Variants in C19orf44 observed in about 807,000 individuals in gnomAD.
The protein encoded by C19orf44 is chromosome 19 open reading frame 44.
In C19orf44, 43 loss-of-function variants were observed where a neutral mutation model predicts 50.7. That is an observed-to-expected ratio of 0.85 (90% CI 0.66 to 1.09). The LOEUF is 1.09. Among genes scored for constraint, C19orf44 ranks in the 50% least tolerant of loss-of-function variants. The pLI, the probability that C19orf44 is intolerant of heterozygous loss-of-function variation, is 0.00. For missense variants in C19orf44, 722 were observed against 836.2 expected (o/e 0.86, Z 1.68); for synonymous variants, 298 against 334.7 (o/e 0.89, Z 1.20).
intron 2 of C19orf44, 29 bp downstream of exon 2, chr19:16,501,580 TTTTAA>T: frequency 7.7e-7 from 1 of 1,292,968 alleles, no homozygotes; most frequent in Middle Eastern, 2.8e-4. Context: ...GGTAAATTTA[TTTTAA>T]TTTATTTAAT....
intron 7 of C19orf44, among the ~76,000 whole-genome samples, chr19:16,515,232 G>T (rs1225721365): frequency 6.6e-6 from 1 of 152,116 alleles, no homozygotes; most frequent in East Asian, 1.9e-4. Flanking sequence ...ATGGTGACGG[G>T]CGCCTGTAGT....
chr19:16,515,172 G>A (rs1456495153), intron 7 of C19orf44, among the ~76,000 whole-genome samples: 1 of 152,136 alleles, frequency 6.6e-6, no homozygotes, highest in Admixed American at 6.6e-5. Flanking sequence ...GACCAGCCCG[G>A]CCAACGTGGT....
At chr19:16,504,341 A>AT (rs1568493934) in intron 3 of C19orf44, among the ~76,000 whole-genome samples, 2 of 151,736 alleles carry the variant, frequency 1.3e-5, no homozygotes, top group African/African-American at 4.8e-5. Flanking sequence ...TTGCTGTACT[A>AT]TTTTTTTGTT....
In C19orf44 at chr19:16,514,498, C is replaced by T. The variant is rs1432493626; in HGVS notation, c.1737C>T (p.Ala579=). 1.9e-6 allele frequency: 3 copies of T among 1,609,440 alleles called. No individual in the cohort carries two copies. The highest frequency in any genetic ancestry group is 2.5e-6 in the Non-Finnish European group (3 of 1,178,408). ...NHVISADAIE[A]LTAYSPAVLA... ...CCGAGTAACGCGGAGCTGGGTCAGC[C>T]CTGACCGCTTACAGCCCGGCCGTGC... Residue 579 remains alanine, a splice_region_variant and synonymous_variant, in exon 7 of 9, where the codon GCC becomes GCT. Transcript: ENST00000221671.
chr19:16,517,408 G>A (rs2085550281), intron 8 of C19orf44, 67 bp downstream of exon 8: 1 of 1,147,568 alleles, frequency 8.7e-7, no homozygotes, highest in South Asian at 1.4e-5. Context: ...GTGTCCAAGT[G>A]TGACGTTCCG....
chr19:16,518,389 T>C (rs2085568132), intron 8 of C19orf44: 2 of 152,062 alleles, frequency 1.3e-5, no homozygotes, highest in Admixed American at 6.6e-5. Flanking sequence ...ACCTGAAGTG[T>C]CTTAGGCTGG....
intron 5 of C19orf44, among the ~76,000 whole-genome samples, chr19:16,510,761 G>A (rs1399595708): frequency 2.6e-5 from 4 of 151,918 alleles, no homozygotes; most frequent in African/African-American, 9.7e-5. Flanking sequence ...TTAGAGATGG[G>A]GTCTTGCTAT....
At chr19:16,500,493 C>T (rs1401425721) in intron 1 of C19orf44, among the ~76,000 whole-genome samples, 1 of 151,442 alleles carries the variant, frequency 6.6e-6, no homozygotes, top group Non-Finnish European at 1.5e-5. Context: ...AGAGGTTGTG[C>T]ACCACCACGT....
At position 16,503,155 on chromosome 19, in the gene C19orf44, G is replaced by A. The variant is rs758176968; in HGVS notation, c.850G>A (p.Ala284Thr). Residue 284 changes from alanine (A) to threonine (T), a missense_variant, in exon 3 of 9, where the codon GCA becomes ACA. Physicochemically the swap from Ala to Thr is moderately conservative, Grantham distance 58. Transcript: ENST00000221671. ...SQTSHLPTSL[A>T]ADRTLHSTRS... is the part of the protein sequence containing the mutation. ...GACATCACACCTGCCAACCTCCCTG[G>A]CAGCAGACAGAACCCTTCACAGCAC... 3.1e-6 allele frequency: 5 copies of A among 1,614,082 alleles called. No homozygotes were observed. In the East Asian group the frequency reaches 1.1e-4, roughly 36 times the overall value.
chr19:16,501,222 T>G lies in C19orf44; in HGVS notation c.430T>G (p.Ser144Ala). 1 of 1,614,088 alleles carries G rather than the reference T, an allele frequency of 6.2e-7. No individual in the cohort carries two copies. Among genetic ancestry groups the G allele is most frequent in the Non-Finnish European group, 8.5e-7 (1 of 1,180,022 alleles). ...ILSGGALELA[S>A]QNTDKTSQNQ... ...CTCTGGGGGTGCACTCGAACTCGCG[T>G]CCCAGAACACAGACAAAACTTCCCA... is the stretch of plus-strand genomic sequence containing the variant. The change falls in exon 2 of 9, where the codon TCC (serine) becomes GCC (alanine). Residue 144 changes from serine to alanine, a missense_variant. By Grantham distance (99) the Ser-to-Ala change is moderately conservative. Transcript: ENST00000221671.
At chr19:16,502,667 G>A (rs573315208) in intron 2 of C19orf44, among the ~76,000 whole-genome samples, 7 of 152,120 alleles carry the variant, frequency 4.6e-5, no homozygotes, top group East Asian at 1.9e-4. Flanking sequence ...CATGCTCCCC[G>A]CTAATTGCAC....
intron 5 of C19orf44, among the ~76,000 whole-genome samples, chr19:16,511,586 A>G (rs2093457428): frequency 6.6e-6 from 1 of 151,042 alleles, no homozygotes; most frequent in Admixed American, 6.6e-5. Context: ...TATTTTATAT[A>G]ATTTTATTTT....
chr19:16,511,789 A>G (rs1301107468), intron 5 of C19orf44, among the ~76,000 whole-genome samples: 3 of 151,988 alleles, frequency 2.0e-5, no homozygotes, highest in Admixed American at 2.0e-4. Context: ...TTGACAAGGT[A>G]GACTGGATGT....
At chr19:16,502,440 G>T (rs1415522412) in intron 2 of C19orf44, among the ~76,000 whole-genome samples, 2 of 151,322 alleles carry the variant, frequency 1.3e-5, no homozygotes. Flanking sequence ...GTTTCATCCT[G>T]TTGGCCGTGA....
intron 4 of C19orf44, among the ~76,000 whole-genome samples, chr19:16,508,940 C>T (rs1378636306): frequency 6.6e-6 from 1 of 151,944 alleles, no homozygotes; most frequent in East Asian, 1.9e-4. Context: ...CCTGCCTTAG[C>T]CTGCTGAGTA....
chr19:16,514,354 A>G (rs558384504), intron 6 of C19orf44, 143 bp from the exon 7 acceptor site: 5 of 854,232 alleles, frequency 5.9e-6, no homozygotes, highest in Non-Finnish European at 8.7e-6. Flanking sequence ...GCTGTACTCC[A>G]GCCTGGGTGG....
In C19orf44 at chr19:16,520,564, C is replaced by T; in HGVS notation, c.*511C>T. ...CAGTGGATGGGCTGCACCCAGCCCACCCTGGCCCTCAGGTTCCTAGACCAC... is the reference window on the plus strand; with the variant it reads ...CAGTGGATGGGCTGCACCCAGCCCATCCTGGCCCTCAGGTTCCTAGACCAC... On this transcript the variant is annotated 3_prime_UTR_variant, in exon 9 of 9. Coordinates refer to ENST00000221671, the MANE Select transcript of C19orf44 (RefSeq NM_032207.4). This position sits in a 1 kb window ranked among gnomAD's most constrained non-coding sequence, Gnocchi z 4.0. 6.4e-7 allele frequency: 1 copy of T among 1,562,256 alleles called. No individual in the cohort carries two copies. Among genetic ancestry groups the T allele is most frequent in the East Asian group, 2.2e-5 (1 of 44,544 alleles).
rs776484668 is a variant in C19orf44 at position 16,517,348 on chromosome 19, C to A, written c.*40+7C>A. The A allele has an allele frequency of 6.4e-7, 1 of 1,562,552 alleles. No individual in the cohort carries two copies. The highest frequency in any genetic ancestry group is 1.1e-5 in the South Asian group (1 of 89,048). On this transcript the variant is annotated splice_region_variant and intron_variant, in intron 8 of 8. Coordinates refer to ENST00000221671, the MANE Select transcript of C19orf44 (RefSeq NM_032207.4). ...CGTGACGTCTTAACAAAAGGTATCC[C>A]GTCCTGTGTACTCAGTGCACACACA...
chr19:16,507,375 C>T (rs529461864), intron 4 of C19orf44, among the ~76,000 whole-genome samples: 38 of 152,274 alleles, frequency 2.5e-4, no homozygotes, highest in Non-Finnish European at 4.1e-4. Context: ...GATTTTTGTC[C>T]TGGTGGCCAC....
Sources: gnomAD v4.1 joint callset for allele counts (sites outside exome capture counted in the v4.1 genomes callset) on GRCh38, gnomAD v4.1.1 for gene constraint, Gnocchi (gnomAD v3.1) non-coding constraint, MANE v1.5 for transcripts, NCBI Gene and HGNC (gene_info 2026-07-23, HGNC 2026-07-21) for gene names.